Variants in BLTP1 observed in about 807,000 individuals in gnomAD.
BLTP1 encodes the protein fragile site-associated protein.
At chr4:122,173,664 T>TA in the BLTP1 span, among the ~76,000 whole-genome samples, 1 of 152,228 alleles carries the variant, frequency 6.6e-6, no homozygotes, top group Non-Finnish European at 1.5e-5. Flanking sequence ...TGTTTCATGA[T>TA]AGTTAAGATA....
At chr4:122,183,554 C>T in the BLTP1 span, 1 of 979,806 alleles carries the variant, frequency 1.0e-6, no homozygotes, top group South Asian at 4.7e-5. Flanking sequence ...CTTATTTGGG[C>T]CCCAGTTAAC....
the BLTP1 span, chr4:122,261,719 G>C: frequency 5.1e-6 from 5 of 983,336 alleles, no homozygotes; most frequent in Non-Finnish European, 6.0e-6. Flanking sequence ...GTATGTAAGG[G>C]ACTTTTCTTC....
chr4:122,280,697 G>T, the BLTP1 span, among the ~76,000 whole-genome samples: 4 of 150,468 alleles, frequency 2.7e-5, no homozygotes, highest in Non-Finnish European at 4.4e-5. Flanking sequence ...CATGTAAAAG[G>T]TTAAAAATTT....
the BLTP1 span, among the ~76,000 whole-genome samples, chr4:122,155,613 C>T: frequency 5.3e-5 from 8 of 152,196 alleles, no homozygotes; most frequent in South Asian, 2.1e-4. Flanking sequence ...TGTGAGCCAC[C>T]GCGCCTGGTG....
At chr4:122,237,249 T>C in the BLTP1 span, 1 of 985,426 alleles carries the variant, frequency 1.0e-6, no homozygotes, top group Non-Finnish European at 1.2e-6. Context: ...AGAGTTATTT[T>C]TTTTGGATCT....
the BLTP1 span, among the ~76,000 whole-genome samples, chr4:122,352,302 G>A: frequency 6.6e-6 from 1 of 151,398 alleles, no homozygotes. Flanking sequence ...AAAATTCCAT[G>A]CAAGTACTTT....
the BLTP1 span, among the ~76,000 whole-genome samples, chr4:122,180,401 T>C: frequency 6.6e-6 from 1 of 152,226 alleles, no homozygotes; most frequent in African/African-American, 2.4e-5. Flanking sequence ...CAGAATGTGA[T>C]ATAATGTTCA....
At chr4:122,169,656 T>A in the BLTP1 span, 1 of 963,510 alleles carries the variant, frequency 1.0e-6, no homozygotes, top group Non-Finnish European at 1.2e-6. Context: ...TTCATCCTAC[T>A]GTGTGTGCAT....
chr4:122,245,114 A>C, the BLTP1 span: 1 of 1,610,770 alleles, frequency 6.2e-7, no homozygotes, highest in Non-Finnish European at 8.5e-7. Context: ...AGCTGTCCAA[A>C]ATAGCAAGAC....
the BLTP1 span, among the ~76,000 whole-genome samples, chr4:122,290,356 A>T: frequency 6.6e-6 from 1 of 152,344 alleles, no homozygotes; most frequent in South Asian, 2.1e-4. Context: ...CTTGGGAAAC[A>T]TACAGAAGTT....
At chr4:122,229,343 C>T in the BLTP1 span, 34 of 884,956 alleles carry the variant, frequency 3.8e-5, no homozygotes, top group African/African-American at 5.1e-4. Context: ...ATCTCACAGA[C>T]AGCCACAAAA....
the BLTP1 span, chr4:122,221,046 TACC>T: frequency 2.6e-5 from 25 of 976,638 alleles, no homozygotes; most frequent in African/African-American, 4.2e-4. Flanking sequence ...CTGTGGCAAC[TACC>T]ACCACTTTAT....
At chr4:122,208,764 A>G in the BLTP1 span, 4 of 664,032 alleles carry the variant, frequency 6.0e-6, no homozygotes, top group South Asian at 6.8e-5. Flanking sequence ...TGCCATTTCA[A>G]ATTTGTTTAT....
At chr4:122,209,399 C>T in the BLTP1 span, 1,318 of 1,527,240 alleles carry the variant, frequency 8.6e-4, 6 homozygotes, top group African/African-American at 0.015. Flanking sequence ...AATCCCAGCA[C>T]TTTGGGAGGC....
chr4:122,167,896 C>T, the BLTP1 span: 15 of 985,202 alleles, frequency 1.5e-5, no homozygotes, highest in African/African-American at 1.7e-5. Context: ...TTTGTTCCAC[C>T]GTTTGCTCCA....
At chr4:122,189,839 A>G in the BLTP1 span, 1 of 934,706 alleles carries the variant, frequency 1.1e-6, no homozygotes, top group African/African-American at 1.8e-5. Context: ...ATGATTGTTC[A>G]TTGGAAAGAT....
At chr4:122,231,796 T>G in the BLTP1 span, 1 of 970,940 alleles carries the variant, frequency 1.0e-6, no homozygotes. Context: ...ACAAAATGTT[T>G]ATTGTTACCT....
chr4:122,251,962 A>G, the BLTP1 span, among the ~76,000 whole-genome samples: 1 of 152,100 alleles, frequency 6.6e-6, no homozygotes, highest in Non-Finnish European at 1.5e-5. Context: ...GTGGCCTTTT[A>G]GACATCATCA....
At chr4:122,339,076 G>C in the BLTP1 span, 1 of 1,028,592 alleles carries the variant, frequency 9.7e-7, no homozygotes, top group South Asian at 1.8e-5. Flanking sequence ...ATGAGTTCAG[G>C]TGATATACTT....
Sources: allele counts gnomAD v4.1 joint callset (sites outside exome capture counted in the v4.1 genomes callset), GRCh38; gene constraint gnomAD v4.1.1; transcripts MANE v1.5; gene names NCBI Gene and HGNC (gene_info 2026-07-23, HGNC 2026-07-21).